The following FOXP1 variants were observed in gnomAD, a reference collection of about 807,000 sequenced individuals.
FOXP1 encodes the protein forkhead box P1.
Under a neutral mutation model 98.2 loss-of-function variants are expected in FOXP1, and 15 were observed. The observed-to-expected ratio is 0.15, with a 90% CI of 0.10 to 0.24. The LOEUF is 0.24. FOXP1 is among the 10% of genes least tolerant of loss of function. FOXP1 has a pLI of 1.00. For synonymous variants in FOXP1, 371 were observed against 314.5 expected (o/e 1.18, Z -1.90); for missense variants, 633 against 848.5 (o/e 0.75, Z 3.15).
chr3:71,116,101 C>G (rs759856810), intron 6 of FOXP1, among the ~76,000 whole-genome samples: 4 of 152,186 alleles, frequency 2.6e-5, no homozygotes, highest in Non-Finnish European at 5.9e-5. Context: ...AAGTATAGAA[C>G]TTAAGTTTTC....
At chr3:71,429,742 G>T (rs1195326499) in intron 3 of FOXP1, among the ~76,000 whole-genome samples, 1 of 152,116 alleles carries the variant, frequency 6.6e-6, no homozygotes, top group Admixed American at 6.5e-5. Context: ...ACTTTCCGAG[G>T]AACTCGTCTT....
intron 3 of FOXP1, among the ~76,000 whole-genome samples, chr3:71,363,586 C>T (rs781396901): frequency 1.3e-5 from 2 of 152,194 alleles, no homozygotes; most frequent in Non-Finnish European, 2.9e-5. Context: ...AAATGCTGCC[C>T]TTCCCAGGGG....
intron 5 of FOXP1, among the ~76,000 whole-genome samples, chr3:71,249,872 C>T (rs1447285208): frequency 6.6e-6 from 1 of 152,192 alleles, no homozygotes; most frequent in Non-Finnish European, 1.5e-5. Context: ...CCCCATGCAG[C>T]CCAGTGGATC....
chr3:71,273,261 G>A (rs575195779), intron 5 of FOXP1, among the ~76,000 whole-genome samples: 117 of 152,198 alleles, frequency 7.7e-4, no homozygotes, highest in Admixed American at 3.2e-3. Flanking sequence ...GAAGGAACAA[G>A]TCTAACTAAC....
chr3:71,485,184 A>G (rs563623114), intron 3 of FOXP1, among the ~76,000 whole-genome samples: 1 of 152,272 alleles, frequency 6.6e-6, no homozygotes, highest in African/African-American at 2.4e-5. Context: ...GCCTGGTTCT[A>G]TCCTGCCTGT....
chr3:71,282,681 C>A (rs972318586), intron 5 of FOXP1, among the ~76,000 whole-genome samples: 1 of 152,126 alleles, frequency 6.6e-6, no homozygotes, highest in African/African-American at 2.4e-5. Flanking sequence ...GTAGCAAGAC[C>A]AGGCCCCCAA....
At chr3:71,114,057 C>A (rs958725543) in intron 6 of FOXP1, among the ~76,000 whole-genome samples, 2 of 152,102 alleles carry the variant, frequency 1.3e-5, no homozygotes, top group African/African-American at 4.8e-5. Flanking sequence ...CTTATTATAT[C>A]AATAATAATT....
chr3:71,350,931 C>T (rs1461803261), intron 4 of FOXP1, among the ~76,000 whole-genome samples: 1 of 152,098 alleles, frequency 6.6e-6, no homozygotes, highest in African/African-American at 2.4e-5. Context: ...ATGACCCATC[C>T]TAGGCCAAGC....
intron 3 of FOXP1, among the ~76,000 whole-genome samples, chr3:71,438,630 T>G (rs1237762593): frequency 6.6e-6 from 1 of 152,110 alleles, no homozygotes; most frequent in African/African-American, 2.4e-5. Context: ...TTGGACCTCA[T>G]TTATACCCCC....
At chr3:71,092,004 A>G (rs1982629) in intron 7 of FOXP1, among the ~76,000 whole-genome samples, 28,432 of 151,986 alleles carry the variant, frequency 0.19, 3,558 homozygotes, top group East Asian at 0.49. Flanking sequence ...CCTGGCCAAC[A>G]TGGTGAAACC....
intron 5 of FOXP1, among the ~76,000 whole-genome samples, chr3:71,222,326 G>A (rs1227554943): frequency 6.6e-6 from 1 of 152,304 alleles, no homozygotes; most frequent in East Asian, 1.9e-4. Context: ...TGACATGGAG[G>A]CCACTTTGAA....
chr3:70,981,179 G>A (rs2038771763), intron 14 of FOXP1, among the ~76,000 whole-genome samples: 2 of 109,496 alleles, frequency 1.8e-5, no homozygotes, highest in Non-Finnish European at 3.3e-5. Flanking sequence ...GCACCACTAG[G>A]ACTCTTTCTA....
Position 71,545,598 on chromosome 3 carries a change from T to A in FOXP1, c.-298+35951A>T, listed in dbSNP as rs559164307. Among the ~76,000 whole-genome samples the A allele has an allele frequency of 3.5e-4, 54 of 152,358 alleles. No homozygotes were observed. In the South Asian group the frequency reaches 5.0e-3, roughly 14 times the overall value. On this transcript the variant is annotated intron_variant, in intron 2 of 20. Coordinates refer to ENST00000649528, the MANE Select transcript of FOXP1 (RefSeq NM_001349338.3). Reference sequence around the variant, plus strand: ...AACATTATATGCTCCTTAATGTTTGTTTAAAATCCTAAAAGTTTTCAGTAA... The same window carrying A: ...AACATTATATGCTCCTTAATGTTTGATTAAAATCCTAAAAGTTTTCAGTAA...
intron 7 of FOXP1, among the ~76,000 whole-genome samples, chr3:71,076,224 C>T (rs1165800590): frequency 2.0e-5 from 3 of 152,138 alleles, no homozygotes; most frequent in African/African-American, 7.2e-5. Context: ...CAGCTTGCAC[C>T]CAAATAGCAT....
chr3:71,277,499 C>T (rs1344154278), intron 5 of FOXP1, among the ~76,000 whole-genome samples: 2 of 152,030 alleles, frequency 1.3e-5, no homozygotes, highest in East Asian at 3.9e-4. Context: ...CTTGCCTGTC[C>T]ACTATCGACA....
intron 5 of FOXP1, among the ~76,000 whole-genome samples, chr3:71,245,777 C>T (rs2067691043): frequency 6.6e-6 from 1 of 151,840 alleles, no homozygotes; most frequent in African/African-American, 2.4e-5. Flanking sequence ...TGATAAAGCT[C>T]TTTCCCACCT....
At chr3:71,163,734 A>C (rs2061260342) in intron 6 of FOXP1, among the ~76,000 whole-genome samples, 1 of 152,204 alleles carries the variant, frequency 6.6e-6, no homozygotes, top group East Asian at 1.9e-4. Context: ...TCCAAGTTAA[A>C]TATTACATGT....
At chr3:71,515,051 G>A (rs985227174) in intron 2 of FOXP1, among the ~76,000 whole-genome samples, 5 of 152,146 alleles carry the variant, frequency 3.3e-5, no homozygotes, top group African/African-American at 1.2e-4. Context: ...ACAGCATAAA[G>A]ATAGCCAGGC....
At chr3:71,558,840 T>C (rs1433185835) in intron 2 of FOXP1, among the ~76,000 whole-genome samples, 1 of 147,682 alleles carries the variant, frequency 6.8e-6, no homozygotes, top group African/African-American at 2.5e-5. Flanking sequence ...TCTCGCTCTT[T>C]CGCCCAGGCT....
Sources: gnomAD v4.1 joint callset for allele counts (sites outside exome capture counted in the v4.1 genomes callset) on GRCh38, gnomAD v4.1.1 for gene constraint, MANE v1.5 for transcripts, NCBI Gene and HGNC (gene_info 2026-07-23, HGNC 2026-07-21) for gene names.